RYR2: variants seen among roughly 807,000 people sequenced by gnomAD.
The protein encoded by RYR2 is cardiac muscle ryanodine receptor-calcium release channel.
A neutral mutation model predicts 601.1 loss-of-function variants in RYR2; 227 were observed. The observed-to-expected ratio is 0.38, with a 90% CI of 0.34 to 0.42. The LOEUF (loss-of-function observed/expected upper bound fraction) is 0.42. Among genes scored for constraint, RYR2 ranks in the 10% least tolerant of loss-of-function variants. The probability of loss-of-function intolerance (pLI) is 1.00; values close to 1 mark genes in which losing one functional copy is unlikely to be tolerated. For synonymous variants in RYR2, 2,223 were observed against 2,175.1 expected, an observed-to-expected ratio of 1.02 and a Z score of -0.61; for missense variants, 4,646 against 6,156.5, an observed-to-expected ratio of 0.75 and a Z score of 8.21.
At position 237,809,011 on chromosome 1, in the gene RYR2, T is replaced by C. The variant is rs878891404; in HGVS notation, c.14409T>C (p.Asp4803=). ...YNKSEDGDTP[D]MKCDDMLTCY... ...AAAGTGAAGATGGTGATACACCAGA[T>C]ATGAAATGTGACGATATGCTAACAG... The change falls in exon 100 of 105, where the codon GAT becomes GAC. Residue 4803 remains aspartate, a synonymous_variant. Coordinates refer to ENST00000366574, the MANE Select transcript of RYR2 (RefSeq NM_001035.3). The C allele has an allele frequency of 7.4e-6, 12 of 1,613,486 alleles. No homozygotes were observed. The highest frequency in any genetic ancestry group is 9.3e-6 in the Non-Finnish European group (11 of 1,179,594).
At chr1:237,253,403 A>G (rs1163830092) in intron 1 of RYR2, among the ~76,000 whole-genome samples, 2 of 152,172 alleles carry the variant, frequency 1.3e-5, no homozygotes, top group Non-Finnish European at 2.9e-5. Flanking sequence ...GATTTCTGCA[A>G]TGCAGATACT....
At chr1:237,619,352 T>G (rs1678825246) in intron 38 of RYR2, among the ~76,000 whole-genome samples, 1 of 152,062 alleles carries the variant, frequency 6.6e-6, no homozygotes, top group South Asian at 2.1e-4. Flanking sequence ...AATGGAAATT[T>G]TAAATCTGAA....
chr1:237,375,255 A>C (rs1438533977), intron 7 of RYR2, among the ~76,000 whole-genome samples: 1 of 152,244 alleles, frequency 6.6e-6, no homozygotes, highest in Admixed American at 6.5e-5. Context: ...CCAAGCAGAC[A>C]TGCATTTTCA....
chr1:237,529,392 A>T (rs980525171), intron 24 of RYR2, among the ~76,000 whole-genome samples: 7 of 152,096 alleles, frequency 4.6e-5, no homozygotes, highest in Non-Finnish European at 1.0e-4. Context: ...GTGTGTATAG[A>T]TGGATAGATA....
chr1:237,448,300 G>A (rs1657641064), intron 14 of RYR2, among the ~76,000 whole-genome samples: 2 of 151,926 alleles, frequency 1.3e-5, no homozygotes, highest in Non-Finnish European at 1.5e-5. Flanking sequence ...CCAAATATTC[G>A]GGGATTTCCT....
At chr1:237,330,385 TTTG>T (rs964754426) in intron 2 of RYR2, among the ~76,000 whole-genome samples, 19 of 152,294 alleles carry the variant, frequency 1.2e-4, no homozygotes, top group South Asian at 4.1e-4. Flanking sequence ...TATCTGTGTT[TTTG>T]TTGTTGTTGT....
At chr1:237,445,764 G>A (rs1445182739) in intron 14 of RYR2, among the ~76,000 whole-genome samples, 1 of 152,016 alleles carries the variant, frequency 6.6e-6, no homozygotes, top group East Asian at 1.9e-4. Context: ...GTATAGATTA[G>A]GATGATTTAA....
chr1:237,775,036 T>TAA, intron 87 of RYR2, among the ~76,000 whole-genome samples: 1 of 102,922 alleles, frequency 9.7e-6, no homozygotes, highest in East Asian at 3.1e-4. Flanking sequence ...GGATATTGGA[T>TAA]AAAGTCACAT....
intron 12 of RYR2, among the ~76,000 whole-genome samples, chr1:237,441,060 C>A (rs1707854233): frequency 6.6e-6 from 1 of 151,668 alleles, no homozygotes; most frequent in Non-Finnish European, 1.5e-5. Flanking sequence ...ATTTTAAGAT[C>A]TCTGGTTTGG....
At chr1:237,619,302 G>A (rs1265041592) in intron 38 of RYR2, among the ~76,000 whole-genome samples, 6 of 151,974 alleles carry the variant, frequency 3.9e-5, no homozygotes, top group South Asian at 2.1e-4. Flanking sequence ...GAAATAGAAA[G>A]CCTCAACGGC....
At chr1:237,766,678 A>C (rs1311926999) in intron 84 of RYR2, among the ~76,000 whole-genome samples, 1 of 152,198 alleles carries the variant, frequency 6.6e-6, no homozygotes, top group African/African-American at 2.4e-5. Flanking sequence ...GACAGCTGAG[A>C]AGCTTAGGCT....
At chr1:237,649,822 G>T in intron 49 of RYR2, 55 bp from the exon 50 acceptor site, 1 of 1,489,790 alleles carries the variant, frequency 6.7e-7, no homozygotes, top group Non-Finnish European at 9.3e-7. Flanking sequence ...TAATCCCTTT[G>T]AAGATTATCT....
chr1:237,248,282 G>GCCCCCCCCCCCCCCCC (rs1171897382), intron 1 of RYR2, among the ~76,000 whole-genome samples: 1 of 14,066 alleles, frequency 7.1e-5, no homozygotes, highest in African/African-American at 2.0e-4. Context: ...CCGCAACCCC[G>GCCCCCCCCCCCCCCCC]CCCCCCCCCC....
At position 237,593,670 on chromosome 1, in the gene RYR2, T is replaced by C. The variant is rs773653590; in HGVS notation, c.4436+34T>C. The C allele has an allele frequency of 7.5e-6, 12 of 1,608,868 alleles. No individual in the cohort carries two copies. The South Asian group carries it at 1.2e-4, about 16-fold the overall frequency. On this transcript the variant is annotated intron_variant, in intron 33 of 104. Coordinates refer to ENST00000366574, the MANE Select transcript of RYR2 (RefSeq NM_001035.3). The stretch of plus-strand genomic sequence containing the variant: ...TCCTCAATTTTTTGCAAGAATGACA[T>C]GTGAAAAAAATATTGGTGAACCTAG...
At chr1:237,272,681 T>A (rs1327614450) in intron 2 of RYR2, among the ~76,000 whole-genome samples, 1 of 150,654 alleles carries the variant, frequency 6.6e-6, no homozygotes, top group South Asian at 2.1e-4. Context: ...TATCTAAAGG[T>A]AATAAAGGTC....
chr1:237,547,289 A>T (rs1287986394), intron 25 of RYR2, among the ~76,000 whole-genome samples: 1 of 152,132 alleles, frequency 6.6e-6, no homozygotes, highest in Non-Finnish European at 1.5e-5. Flanking sequence ...TACAGGTGTG[A>T]GCCACTGTGC....
chr1:237,778,786 G>A lies in RYR2; in HGVS notation c.11880+16G>A, dbSNP rs73103904. ...GCTGTCGCAGGTAAACTAACTAACT[G>A]CCTTCCTCTCTCTTAAATGACAAAC... On this transcript the variant is annotated intron_variant, in intron 88 of 104. Coordinates refer to ENST00000366574, the MANE Select transcript of RYR2 (RefSeq NM_001035.3). 808 of 1,293,714 alleles carry A rather than the reference G, an allele frequency of 6.2e-4. 1 individual carries two copies. In the African/African-American group the frequency reaches 9.6e-3, roughly 15 times the overall value. The allele number at this position is 1,293,714 out of a possible 1,614,324, so 80.1% of individuals were successfully genotyped here.
chr1:237,332,733 G>T (rs541962701), intron 3 of RYR2, among the ~76,000 whole-genome samples: 90 of 152,218 alleles, frequency 5.9e-4, no homozygotes, highest in Non-Finnish European at 9.7e-4. Context: ...GTTAAGTTGC[G>T]TTTTTTAAAT....
chr1:237,058,905 A>G (rs373619634), intron 1 of RYR2, among the ~76,000 whole-genome samples: 2 of 152,164 alleles, frequency 1.3e-5, no homozygotes, highest in African/African-American at 4.8e-5. Context: ...AAAACCTGCC[A>G]TATCTACTGC....
Sources: gnomAD v4.1 joint callset for allele counts (sites outside exome capture counted in the v4.1 genomes callset) on GRCh38, gnomAD v4.1.1 for gene constraint, MANE v1.5 for transcripts, NCBI Gene and HGNC (gene_info 2026-07-23, HGNC 2026-07-21) for gene names.